The following XKR4 variants were observed in gnomAD, a reference collection of about 807,000 sequenced individuals.
XKR4 encodes the protein XK related 4.
Under a neutral mutation model 53.9 loss-of-function variants are expected in XKR4, and 12 were observed. The ratio of observed to expected loss-of-function variants is 0.22; its 90% CI spans 0.14 to 0.36. XKR4 has a LOEUF of 0.36. XKR4 is among the 10% of genes least tolerant of loss of function. XKR4 has a pLI of 1.00. For synonymous variants in XKR4, 354 were observed against 362.4 expected (o/e 0.98, Z 0.26); for missense variants, 799 against 859.5 (o/e 0.93, Z 0.88).
At chr8:55,257,101 G>A (rs554350520) in intron 1 of XKR4, among the ~76,000 whole-genome samples, 16 of 152,222 alleles carry the variant, frequency 1.1e-4, no homozygotes, top group Admixed American at 7.2e-4. Flanking sequence ...TTGCGTATTA[G>A]GTTCCAACAT....
At chr8:55,286,959 TA>T (rs1356945325) in intron 1 of XKR4, among the ~76,000 whole-genome samples, 1 of 152,178 alleles carries the variant, frequency 6.6e-6, no homozygotes, top group Non-Finnish European at 1.5e-5. Context: ...TTAAGTATAT[TA>T]ATTCTAGTTA....
rs1818278239 is a variant in XKR4, at chr8:55,245,870, G to A, written c.807-111808G>A. ...ACCACTTTAGGAGGCTGAGGTGGGTGGATTACTTGAAGCCAGGAGTTCAAG... is the reference window on the plus strand; with the variant it reads ...ACCACTTTAGGAGGCTGAGGTGGGTAGATTACTTGAAGCCAGGAGTTCAAG... On this transcript the variant is annotated intron_variant, in intron 1 of 2. Transcript: ENST00000327381. 4.6e-5 allele frequency among the ~76,000 whole-genome samples: 7 copies of A among 152,274 alleles called. No homozygotes were observed. The South Asian group carries it at 1.4e-3, about 32-fold the overall frequency.
intron 2 of XKR4, among the ~76,000 whole-genome samples, chr8:55,366,928 T>C (rs746296187): frequency 1.3e-5 from 2 of 152,298 alleles, no homozygotes; most frequent in African/African-American, 4.8e-5. Context: ...ACCACATTAC[T>C]TTCTTGCTCT....
At chr8:55,459,871 T>C (rs1037978761) in intron 2 of XKR4, among the ~76,000 whole-genome samples, 2 of 152,114 alleles carry the variant, frequency 1.3e-5, no homozygotes, top group Non-Finnish European at 2.9e-5. Context: ...ATGGGGTTTT[T>C]TAAAGTTAAA....
At position 55,531,464 on chromosome 8, in the gene XKR4, C is replaced by T. The variant is rs970382704; in HGVS notation, c.*7237C>T. Reference sequence around the variant, plus strand: ...TGTGAGCCTTACAATATACAATTAACATATGAAATAATGATGATGAACATA... The same window carrying T: ...TGTGAGCCTTACAATATACAATTAATATATGAAATAATGATGATGAACATA... On this transcript the variant is annotated 3_prime_UTR_variant, in exon 3 of 3. Transcript: ENST00000327381. The T allele has an allele frequency of 9.9e-5, 15 of 151,466 alleles. No individual in the cohort carries two copies. Among genetic ancestry groups the T allele is most frequent in the Admixed American group, 3.9e-4 (6 of 15,230 alleles). 9.4% of individuals were successfully genotyped at this position (151,466 alleles called of 1,614,324 possible).
intron 1 of XKR4, among the ~76,000 whole-genome samples, chr8:55,243,309 C>T (rs1243463223): frequency 6.6e-6 from 1 of 152,218 alleles, no homozygotes; most frequent in Non-Finnish European, 1.5e-5. Context: ...AATAGTCTCA[C>T]TGCCTAAAAA....
At chr8:55,491,486 G>A (rs906477551) in intron 2 of XKR4, among the ~76,000 whole-genome samples, 4 of 152,012 alleles carry the variant, frequency 2.6e-5, no homozygotes, top group Admixed American at 2.6e-4. Context: ...ATGTTTTGGG[G>A]GCCTCTTAAA....
At chr8:55,506,096 G>A (rs1806522540) in intron 2 of XKR4, among the ~76,000 whole-genome samples, 1 of 152,236 alleles carries the variant, frequency 6.6e-6, no homozygotes. Flanking sequence ...AAGACAGAAT[G>A]AGATTCCCCT....
intron 1 of XKR4, among the ~76,000 whole-genome samples, chr8:55,264,811 A>G (rs1414464693): frequency 6.6e-6 from 1 of 152,222 alleles, no homozygotes; most frequent in Non-Finnish European, 1.5e-5. Flanking sequence ...TGTCTACACA[A>G]AACATAGACA....
rs1415359618 is a variant in XKR4, at chr8:55,535,230, T to G, written c.*11003T>G. ...GACTTATTTTCTTTTTTTTTTTAAT[T>G]TTATTATTATTATACTTTAAGTTTT... On this transcript the variant is annotated 3_prime_UTR_variant, in exon 3 of 3. Transcript: ENST00000327381. The G allele has an allele frequency of 1.3e-5, 2 of 149,674 alleles. No individual in the cohort carries two copies. Among genetic ancestry groups the G allele is most frequent in the African/African-American group, 4.9e-5 (2 of 40,746 alleles). 9.3% of individuals were successfully genotyped at this position (149,674 alleles called of 1,614,324 possible). A position where few individuals can be genotyped will look rare whatever the true frequency, so the allele number is the denominator to read the frequency against.
intron 1 of XKR4, among the ~76,000 whole-genome samples, chr8:55,353,825 G>A (rs1020268487): frequency 5.3e-5 from 8 of 152,202 alleles, no homozygotes; most frequent in African/African-American, 1.2e-4. Flanking sequence ...AGCTGCAGCC[G>A]TGCAGCGGTG....
chr8:55,434,557 CA>C (rs1805148187), intron 2 of XKR4, among the ~76,000 whole-genome samples: 1 of 152,066 alleles, frequency 6.6e-6, no homozygotes, highest in Non-Finnish European at 1.5e-5. Context: ...GATATGGAGA[CA>C]AAAGCTACAC....
At chr8:55,286,481 C>A (rs377435000) in intron 1 of XKR4, among the ~76,000 whole-genome samples, 1 of 152,100 alleles carries the variant, frequency 6.6e-6, no homozygotes. Context: ...TGGGAGGGCT[C>A]AATGTCTGGC....
intron 2 of XKR4, among the ~76,000 whole-genome samples, chr8:55,464,675 A>T (rs1225594011): frequency 6.6e-6 from 1 of 152,184 alleles, no homozygotes; most frequent in Non-Finnish European, 1.5e-5. Flanking sequence ...GTATTCAATT[A>T]GGAAAAGAGG....
chr8:55,179,113 T>C (rs1817274660), intron 1 of XKR4, among the ~76,000 whole-genome samples: 1 of 152,138 alleles, frequency 6.6e-6, no homozygotes, highest in African/African-American at 2.4e-5. Context: ...GATTGATTGG[T>C]ATGGAGTCAT....
At chr8:55,407,303 C>T (rs1434503275) in intron 2 of XKR4, among the ~76,000 whole-genome samples, 1 of 152,198 alleles carries the variant, frequency 6.6e-6, no homozygotes, top group Non-Finnish European at 1.5e-5. Context: ...TGAAGCGGGG[C>T]TTTCGCACTG....
intron 2 of XKR4, among the ~76,000 whole-genome samples, chr8:55,384,838 C>G (rs1212982837): frequency 6.6e-6 from 1 of 152,204 alleles, no homozygotes; most frequent in Non-Finnish European, 1.5e-5. Context: ...GACTCTTTAG[C>G]AAATACACTC....
At chr8:55,339,629 A>C (rs1270581792) in intron 1 of XKR4, among the ~76,000 whole-genome samples, 1 of 152,182 alleles carries the variant, frequency 6.6e-6, no homozygotes, top group Non-Finnish European at 1.5e-5. Flanking sequence ...GCAAGTTTAA[A>C]TTTAATACTA....
chr8:55,364,083 A>AG (rs935361214), intron 2 of XKR4, among the ~76,000 whole-genome samples: 1 of 152,084 alleles, frequency 6.6e-6, no homozygotes. Context: ...TTAAAATGAG[A>AG]GGGGGGCTTA....
Sources: gnomAD v4.1 joint callset for allele counts (sites outside exome capture counted in the v4.1 genomes callset) on GRCh38, gnomAD v4.1.1 for gene constraint, MANE v1.5 for transcripts, NCBI Gene and HGNC (gene_info 2026-07-23, HGNC 2026-07-21) for gene names.